The following FGF14 variants were observed in gnomAD, a reference collection of about 807,000 sequenced individuals.
FGF14 encodes fibroblast growth factor 14.
In FGF14, 5 loss-of-function variants were observed where a neutral mutation model predicts 25.5. That is an observed-to-expected ratio of 0.20 (90% CI 0.10 to 0.41). The LOEUF is 0.41. FGF14 is among the 10% of genes least tolerant of loss of function. The pLI is 1.00. For synonymous variants in FGF14, 138 were observed against 118.3 expected, an observed-to-expected ratio of 1.17 and a Z score of -1.08; for missense variants, 222 against 320.1, an observed-to-expected ratio of 0.69 and a Z score of 2.34.
intron 3 of FGF14, among the ~76,000 whole-genome samples, chr13:101,829,052 T>C (rs1445931767): frequency 6.6e-6 from 1 of 152,108 alleles, no homozygotes; most frequent in Non-Finnish European, 1.5e-5. Context: ...AATTCAAGTT[T>C]TTGCTATTTA....
chr13:101,932,120 G>A (rs968897374), intron 1 of FGF14, among the ~76,000 whole-genome samples: 6 of 152,198 alleles, frequency 3.9e-5, no homozygotes, highest in African/African-American at 1.4e-4. Context: ...CTGCAGCCTT[G>A]CTCTGCAATT....
At chr13:102,077,820 A>G (rs1267350644) in intron 1 of FGF14, among the ~76,000 whole-genome samples, 1 of 152,196 alleles carries the variant, frequency 6.6e-6, no homozygotes, top group East Asian at 1.9e-4. Flanking sequence ...ACTATGTCAA[A>G]GAGATTTCTG....
At chr13:101,929,301 G>T (rs2034585967) in intron 1 of FGF14, among the ~76,000 whole-genome samples, 1 of 152,162 alleles carries the variant, frequency 6.6e-6, no homozygotes. Flanking sequence ...TAAAAAGATG[G>T]GAGATAGTCA....
At chr13:102,026,295 T>C (rs1010267105) in intron 1 of FGF14, among the ~76,000 whole-genome samples, 4 of 151,976 alleles carry the variant, frequency 2.6e-5, no homozygotes, top group Non-Finnish European at 4.4e-5. Flanking sequence ...GATATTTCCA[T>C]TTGGTTATGG....
intron 1 of FGF14, among the ~76,000 whole-genome samples, chr13:102,398,047 T>TGTGC: frequency 6.6e-6 from 1 of 151,420 alleles, no homozygotes; most frequent in Middle Eastern, 3.4e-3. Context: ...TGTGTGTGTG[T>TGTGC]GTGTTCTCTG....
At chr13:101,977,940 TAA>T (rs10708269) in intron 1 of FGF14, among the ~76,000 whole-genome samples, 3,703 of 137,826 alleles carry the variant, frequency 0.027, 68 homozygotes, top group Middle Eastern at 0.067. Flanking sequence ...TTTCTCAATG[TAA>T]AAAAAAAAAA....
At chr13:102,125,243 T>C (rs1271703363) in intron 1 of FGF14, among the ~76,000 whole-genome samples, 1 of 152,198 alleles carries the variant, frequency 6.6e-6, no homozygotes, top group East Asian at 1.9e-4. Flanking sequence ...TGTTAGTCAA[T>C]TATATTTTTG....
chr13:102,085,398 G>A (rs2043849497), intron 1 of FGF14, among the ~76,000 whole-genome samples: 1 of 152,134 alleles, frequency 6.6e-6, no homozygotes, highest in South Asian at 2.1e-4. Context: ...AAATGCTAGA[G>A]AAATAACTTG....
Position 101,898,341 on chromosome 13 carries a change from AACAC to A in FGF14, c.193+18108_193+18111del, listed in dbSNP as rs55676818. Among the ~76,000 whole-genome samples, 497 of 144,464 alleles carry A rather than the reference AACAC, an allele frequency of 3.4e-3. 2 individuals are homozygous for A. Among genetic ancestry groups the A allele is most frequent in the African/African-American group, 0.012 (458 of 38,542 alleles). 94.8% of individuals were successfully genotyped at this position (144,464 alleles called of 152,430 possible). ...ACCTGTATAAAGGCATGAAACATAC[AACAC>A]ACACACACACACACACACACACACA... On this transcript the variant is annotated intron_variant, in intron 1 of 4. Coordinates refer to ENST00000376143, the MANE Select transcript of FGF14 (RefSeq NM_004115.4).
At chr13:102,039,946 C>G (rs970183270) in intron 1 of FGF14, among the ~76,000 whole-genome samples, 1 of 149,710 alleles carries the variant, frequency 6.7e-6, no homozygotes, top group African/African-American at 2.5e-5. Context: ...CATTGAGACA[C>G]AAAGCAAAAA....
intron 1 of FGF14, among the ~76,000 whole-genome samples, chr13:101,928,395 GGTGTGTGTGTGTGT>G (rs149758126): frequency 1.4e-5 from 2 of 147,938 alleles, no homozygotes; most frequent in Non-Finnish European, 1.5e-5. Context: ...AACTTGCTGT[GGTGTGTGTGTGTGT>G]GTGTGTGTGT....
At chr13:102,330,469 T>G (rs1279234586) in intron 1 of FGF14, among the ~76,000 whole-genome samples, 1 of 152,154 alleles carries the variant, frequency 6.6e-6, no homozygotes, top group African/African-American at 2.4e-5. Context: ...AATCATACTA[T>G]AATATCTCAA....
chr13:101,719,477 G>C lies in FGF14; in HGVS notation c.*3354C>G, dbSNP rs2164479. 2 of 152,164 alleles carry C rather than the reference G, an allele frequency of 1.3e-5. No homozygotes were observed. Among genetic ancestry groups the C allele is most frequent in the Admixed American group, 1.3e-4 (2 of 15,274 alleles). 9.4% of individuals were successfully genotyped at this position (152,164 alleles called of 1,614,324 possible). On this transcript the variant is annotated 3_prime_UTR_variant, in exon 5 of 5. Transcript: ENST00000376143. The stretch of plus-strand genomic sequence containing the variant: ...AGGATTTGTAATGAAATGATGTTCA[G>C]TTCCATTTTGCTCTTTACATAGGGT...
chr13:101,853,854 A>G (rs1257194541), intron 3 of FGF14, among the ~76,000 whole-genome samples: 1 of 152,104 alleles, frequency 6.6e-6, no homozygotes, highest in Non-Finnish European at 1.5e-5. Context: ...TATTCATTAT[A>G]TATATTTTAA....
chr13:102,064,826 A>T lies in FGF14; in HGVS notation c.209-189530T>A, dbSNP rs150787368. ...TCTAGAGATGATTTAAAGTATATTG[A>T]AGAATATGCATAGGCTATATGAAAA... On this transcript the variant is annotated intron_variant, in intron 1 of 4. Coordinates refer to the FGF14 transcript ENST00000376131. Among the ~76,000 whole-genome samples the T allele has an allele frequency of 3.8e-3, 584 of 152,172 alleles. 5 individuals are homozygous for T. The highest frequency in any genetic ancestry group is 0.013 in the African/African-American group (556 of 41,550).
chr13:101,852,498 A>T (rs1485643185), intron 3 of FGF14, among the ~76,000 whole-genome samples: 1 of 152,140 alleles, frequency 6.6e-6, no homozygotes, highest in Non-Finnish European at 1.5e-5. Flanking sequence ...AGACAGTGTG[A>T]AACAGTAACA....
At chr13:101,791,353 C>T (rs1299595983) in intron 3 of FGF14, among the ~76,000 whole-genome samples, 1 of 152,150 alleles carries the variant, frequency 6.6e-6, no homozygotes, top group Non-Finnish European at 1.5e-5. Flanking sequence ...CAATTTTATT[C>T]TCCCATTTCT....
rs764642790 is a variant in FGF14 at position 101,913,707 on chromosome 13, C to T, written c.193+2746G>A. ...GCACACACATTGCTTTTTCTACCTG[C>T]TCTTAAAATCTCTGCATCCTTCTTA... is the stretch of plus-strand genomic sequence containing the variant. On this transcript the variant is annotated intron_variant, in intron 1 of 4. Transcript: ENST00000376143. 4.9e-4 allele frequency among the ~76,000 whole-genome samples: 73 copies of T among 150,248 alleles called. 1 individual carries two copies. The highest frequency in any genetic ancestry group is 3.7e-3 in the Admixed American group (55 of 15,004).
intron 1 of FGF14, among the ~76,000 whole-genome samples, chr13:102,310,600 G>A (rs1220939696): frequency 6.7e-6 from 1 of 149,392 alleles, no homozygotes; most frequent in East Asian, 2.0e-4. Flanking sequence ...CCAGGAGATA[G>A]AGGGAGGCAA....
Sources: allele counts gnomAD v4.1 joint callset (sites outside exome capture counted in the v4.1 genomes callset), GRCh38; gene constraint gnomAD v4.1.1; transcripts MANE v1.5; gene names NCBI Gene and HGNC (gene_info 2026-07-23, HGNC 2026-07-21).